The following ENPP6 variants were observed in gnomAD, a reference collection of about 807,000 sequenced individuals.
The protein encoded by ENPP6 is glycerophosphocholine cholinephosphodiesterase ENPP6.
ENPP6 carries 32 observed loss-of-function variants against 42.0 expected under a neutral mutation model. The observed-to-expected ratio is 0.76, with a 90% CI of 0.58 to 1.02. The LOEUF (loss-of-function observed/expected upper bound fraction) is 1.02. ENPP6 is among the 50% of genes least tolerant of loss of function. The probability of loss-of-function intolerance (pLI) is 0.00; values close to 1 mark genes in which losing one functional copy is unlikely to be tolerated. For synonymous variants in ENPP6, 213 were observed against 216.0 expected, an observed-to-expected ratio of 0.99 and a Z score of 0.12; for missense variants, 552 against 566.8, an observed-to-expected ratio of 0.97 and a Z score of 0.27.
intron 5 of ENPP6, among the ~76,000 whole-genome samples, chr4:184,113,218 A>G (rs772217071): frequency 1.3e-5 from 2 of 152,094 alleles, no homozygotes; most frequent in Non-Finnish European, 2.9e-5. Flanking sequence ...AGCTACAAAC[A>G]CTCCTGGAAG....
chr4:184,136,889 A>T (rs965716925), intron 2 of ENPP6, among the ~76,000 whole-genome samples: 4 of 152,084 alleles, frequency 2.6e-5, no homozygotes, highest in Non-Finnish European at 5.9e-5. Flanking sequence ...TTATTACTCA[A>T]ATATTACTTC....
intron 7 of ENPP6, among the ~76,000 whole-genome samples, chr4:184,094,599 T>C (rs145255270): frequency 2.6e-5 from 4 of 152,376 alleles, no homozygotes; most frequent in African/African-American, 9.6e-5. Flanking sequence ...TAGCTGAAGA[T>C]GGCATTTCAG....
chr4:184,146,803 A>C (rs975348991), intron 2 of ENPP6, among the ~76,000 whole-genome samples: 3 of 152,104 alleles, frequency 2.0e-5, no homozygotes, highest in Non-Finnish European at 4.4e-5. Context: ...CTTGCTTTTC[A>C]CAGCTCTGCT....
At chr4:184,157,831 G>T (rs1321808642) in intron 1 of ENPP6, among the ~76,000 whole-genome samples, 2 of 143,432 alleles carry the variant, frequency 1.4e-5, no homozygotes, top group Non-Finnish European at 3.0e-5. Flanking sequence ...TGTTGCCAAG[G>T]TTGGTCTCAA....
chr4:184,208,590 CG>C (rs1252622611), intron 1 of ENPP6, among the ~76,000 whole-genome samples: 5 of 151,568 alleles, frequency 3.3e-5, no homozygotes, highest in Admixed American at 1.3e-4. Context: ...GAGGGTCCTA[CG>C]CCCACGGAGT....
chr4:184,157,171 C>A (rs1737173258), intron 1 of ENPP6, among the ~76,000 whole-genome samples: 1 of 152,194 alleles, frequency 6.6e-6, no homozygotes, highest in Non-Finnish European at 1.5e-5. Flanking sequence ...GTAGATCTAG[C>A]CAGAATTCAT....
At chr4:184,180,496 C>G (rs1219910047) in intron 1 of ENPP6, among the ~76,000 whole-genome samples, 9 of 152,172 alleles carry the variant, frequency 5.9e-5, no homozygotes, top group Non-Finnish European at 1.5e-5. Context: ...TGACTCCTCC[C>G]TAACTCATTT....
At chr4:184,121,683 A>G (rs913580766) in intron 3 of ENPP6, among the ~76,000 whole-genome samples, 4 of 152,210 alleles carry the variant, frequency 2.6e-5, no homozygotes, top group African/African-American at 9.7e-5. Flanking sequence ...TGCTAGACAC[A>G]CATACCAAGA....
At chr4:184,146,265 T>C (rs1231955940) in intron 2 of ENPP6, among the ~76,000 whole-genome samples, 5 of 151,826 alleles carry the variant, frequency 3.3e-5, no homozygotes, top group South Asian at 2.1e-4. Flanking sequence ...ACCCCGTCTT[T>C]ACTAAAAATA....
intron 2 of ENPP6, among the ~76,000 whole-genome samples, chr4:184,153,126 C>CT (rs143936726): frequency 0.49 from 71,072 of 145,832 alleles, 17,713 homozygotes; most frequent in East Asian, 0.79. Context: ...TATTTCTTTT[C>CT]TTTTTCTTTT....
intron 2 of ENPP6, among the ~76,000 whole-genome samples, chr4:184,137,617 T>C (rs1032941495): frequency 7.9e-5 from 12 of 152,252 alleles, no homozygotes; most frequent in African/African-American, 2.7e-4. Flanking sequence ...CCAGAGTGGA[T>C]TGTCAAGGAT....
intron 6 of ENPP6, among the ~76,000 whole-genome samples, chr4:184,109,847 CGTGT>C (rs57313031): frequency 1.3e-5 from 2 of 151,104 alleles, no homozygotes; most frequent in Non-Finnish European, 3.0e-5. Flanking sequence ...TTCAGACAAA[CGTGT>C]GTGTGTGTGT....
chr4:184,122,183 G>T (rs1317685924), intron 3 of ENPP6, among the ~76,000 whole-genome samples: 13 of 152,070 alleles, frequency 8.5e-5, no homozygotes, highest in Admixed American at 8.5e-4. Flanking sequence ...GGCCTTCACT[G>T]CTTCCAGGGC....
At chr4:184,175,843 G>A (rs1015632335) in intron 1 of ENPP6, among the ~76,000 whole-genome samples, 1 of 152,228 alleles carries the variant, frequency 6.6e-6, no homozygotes, top group African/African-American at 2.4e-5. Flanking sequence ...TAACGTCTTG[G>A]CCTGCTAGGT....
intron 1 of ENPP6, among the ~76,000 whole-genome samples, chr4:184,159,101 C>A (rs1737221435): frequency 6.6e-6 from 1 of 152,154 alleles, no homozygotes; most frequent in African/African-American, 2.4e-5. Context: ...CAAAGCTTAG[C>A]TGAATAAATT....
At chr4:184,170,323 A>G (rs2111091795) in intron 1 of ENPP6, among the ~76,000 whole-genome samples, 2 of 152,258 alleles carry the variant, frequency 1.3e-5, no homozygotes, top group South Asian at 4.1e-4. Context: ...CTAGCTGCTC[A>G]GGAGGCTGAG....
intron 1 of ENPP6, among the ~76,000 whole-genome samples, chr4:184,203,504 G>A (rs1436616490): frequency 6.6e-6 from 1 of 152,282 alleles, no homozygotes; most frequent in Non-Finnish European, 1.5e-5. Context: ...ATGTCATTAA[G>A]GTGGGCCCTA....
At chr4:184,196,515 T>C (rs1480741524) in intron 1 of ENPP6, among the ~76,000 whole-genome samples, 1 of 152,170 alleles carries the variant, frequency 6.6e-6, no homozygotes, top group Non-Finnish European at 1.5e-5. Context: ...AGACAGTAAG[T>C]GGAAAAGGAG....
chr4:184,122,082 C>A (rs909387671), intron 3 of ENPP6, among the ~76,000 whole-genome samples: 1 of 152,172 alleles, frequency 6.6e-6, no homozygotes, highest in Non-Finnish European at 1.5e-5. Context: ...CCACCTACTA[C>A]CCAAAGGGGC....
Sources: allele counts gnomAD v4.1 joint callset (sites outside exome capture counted in the v4.1 genomes callset), GRCh38; gene constraint gnomAD v4.1.1; transcripts MANE v1.5; gene names NCBI Gene and HGNC (gene_info 2026-07-23, HGNC 2026-07-21).